Variants in ZNF207 observed in about 807,000 individuals in gnomAD.
ZNF207 encodes the protein BUB3-interacting and GLEBS motif-containing protein ZNF207.
ZNF207 carries 24 observed loss-of-function variants against 60.2 expected under a neutral mutation model. That is an observed-to-expected ratio of 0.40 (90% CI 0.29 to 0.56). The LOEUF (loss-of-function observed/expected upper bound fraction) is 0.56, where lower values mean the gene tolerates loss of function less well. ZNF207 is among the 20% of genes least tolerant of loss of function. The pLI is 0.49. For missense variants in ZNF207, 452 were observed against 636.6 expected (o/e 0.71, Z 3.12); for synonymous variants, 236 against 194.7 (o/e 1.21, Z -1.77).
intron 8 of ZNF207, 59 bp downstream of exon 8, chr17:32,365,546 T>C: frequency 1.0e-5 from 15 of 1,459,628 alleles, no homozygotes; most frequent in Non-Finnish European, 1.3e-5. Context: ...TACAGTTGTT[T>C]ACAGAAGTCT....
At chr17:32,367,253 A>ATG (rs1567824756) in intron 9 of ZNF207, among the ~76,000 whole-genome samples, 1 of 91,478 alleles carries the variant, frequency 1.1e-5, no homozygotes, top group African/African-American at 4.6e-5. Flanking sequence ...ATATATATAT[A>ATG]TATATATATA....
At chr17:32,350,721 G>A (rs752114089) in intron 1 of ZNF207, among the ~76,000 whole-genome samples, 3 of 152,100 alleles carry the variant, frequency 2.0e-5, no homozygotes, top group Non-Finnish European at 2.9e-5. Flanking sequence ...GTTGGGGACA[G>A]CTTCACAGTC....
intron 2 of ZNF207, among the ~76,000 whole-genome samples, chr17:32,354,953 G>A (rs1169109666): frequency 6.6e-6 from 1 of 152,192 alleles, no homozygotes; most frequent in South Asian, 2.1e-4. Context: ...CTGCAGGGTT[G>A]AAAGTAAAGT....
rs1340197959 is a variant in ZNF207, at chr17:32,379,778, T to C, written c.*10019T>C. On this transcript the variant is annotated 3_prime_UTR_variant, in exon 12 of 12. Transcript: ENST00000394670. The stretch of plus-strand genomic sequence containing the variant: ...CTGCATGAAAAATTGGAGTTAGAAA[T>C]ACTGATTTCTGAGACCACGTATACC... The C allele has an allele frequency of 6.6e-6, 1 of 152,216 alleles. No homozygotes were observed. The highest frequency in any genetic ancestry group is 2.4e-5 in the African/African-American group (1 of 41,464). The allele number at this position is 152,216 out of a possible 1,614,324, so 9.4% of individuals were successfully genotyped here.
At chr17:32,367,331 CTG>C (rs1403666651) in intron 9 of ZNF207, among the ~76,000 whole-genome samples, 2 of 137,340 alleles carry the variant, frequency 1.5e-5, no homozygotes, top group Non-Finnish European at 3.1e-5. Flanking sequence ...ACCATTTACA[CTG>C]TTCATGTTAT....
rs1905881907 is a variant in ZNF207, at chr17:32,381,371, T to G, written c.*11612T>G. 1 of 152,256 alleles carries G rather than the reference T, an allele frequency of 6.6e-6. No individual in the cohort carries two copies. Among genetic ancestry groups the G allele is most frequent in the Non-Finnish European group, 1.5e-5 (1 of 68,036 alleles). 9.4% of individuals were successfully genotyped at this position (152,256 alleles called of 1,614,324 possible). A position where few individuals can be genotyped will look rare whatever the true frequency, so the allele number is the denominator to read the frequency against. ...ATGACTGATCGCATAATTTTTAATGTAAGTAAATGAGCTCACTAAGGGTAA... is the reference window on the plus strand; with the variant it reads ...ATGACTGATCGCATAATTTTTAATGGAAGTAAATGAGCTCACTAAGGGTAA... On this transcript the variant is annotated 3_prime_UTR_variant, in exon 12 of 12. Coordinates refer to ENST00000394670, the MANE Select transcript of ZNF207 (RefSeq NM_001098507.2).
Position 32,369,387 on chromosome 17 carries a change from A to T in ZNF207, c.1257A>T (p.Gly419=). The stretch of plus-strand genomic sequence containing the variant: ...GTAATCCACCAGTTGGACCAATTGG[A>T]GGTATGATGCCACCACAGCCAGGCA... ...PIGNPPVGPI[G]GMMPPQPGIP... is the part of the protein sequence containing the mutation. Residue 419 remains glycine, a synonymous_variant, in exon 11 of 12, where the codon GGA becomes GGT. Transcript: ENST00000394670. The T allele has an allele frequency of 6.2e-7, 1 of 1,614,146 alleles. No homozygotes were observed. Among genetic ancestry groups the T allele is most frequent in the South Asian group, 1.1e-5 (1 of 91,084 alleles).
In ZNF207 at chr17:32,366,136, C is replaced by G. The variant is rs1199338119; in HGVS notation, c.829-529C>G. 3.3e-5 allele frequency among the ~76,000 whole-genome samples: 5 copies of G among 152,040 alleles called. No individual in the cohort carries two copies. The East Asian group carries it at 9.6e-4, about 29-fold the overall frequency. On this transcript the variant is annotated intron_variant, in intron 8 of 11. Coordinates refer to ENST00000394670, the MANE Select transcript of ZNF207 (RefSeq NM_001098507.2). Reference sequence around the variant, plus strand: ...GATTTAATTTATTCAGAATTTAGATCGGGATGTATGTTTATTCATTTTCTT... The same window carrying G: ...GATTTAATTTATTCAGAATTTAGATGGGGATGTATGTTTATTCATTTTCTT...
At chr17:32,351,947 G>T (rs369259049) in intron 2 of ZNF207, 35 bp downstream of exon 2, 19 of 1,486,800 alleles carry the variant, frequency 1.3e-5, no homozygotes, top group Non-Finnish European at 1.7e-5. Context: ...TTGTCCGCTT[G>T]TGATTTGGAA....
chr17:32,364,413 A>T (rs1285789266), intron 7 of ZNF207, among the ~76,000 whole-genome samples: 1 of 147,338 alleles, frequency 6.8e-6, no homozygotes. Context: ...GCTGGAGAGC[A>T]GTGGTGTGAT....
At chr17:32,357,968 A>G (rs1232310011) in intron 2 of ZNF207, among the ~76,000 whole-genome samples, 2 of 152,000 alleles carry the variant, frequency 1.3e-5, no homozygotes, top group South Asian at 2.1e-4. Flanking sequence ...TTTAGTCGGG[A>G]CAGGGTTTTG....
intron 7 of ZNF207, among the ~76,000 whole-genome samples, chr17:32,364,460 C>T (rs935387051): frequency 4.7e-5 from 7 of 150,260 alleles, no homozygotes; most frequent in Non-Finnish European, 7.4e-5. Context: ...TGGGTTCAAG[C>T]GATTTTCTCC....
chr17:32,358,397 A>C (rs983228664), intron 2 of ZNF207, 106 bp from the exon 3 acceptor site: 4 of 1,108,190 alleles, frequency 3.6e-6, no homozygotes, highest in Non-Finnish European at 4.9e-6. Context: ...AATTGGCTCT[A>C]CATGGCCTCA....
rs892037901 is a variant in ZNF207, at chr17:32,361,114, C to T, written c.551+147C>T. The T allele has an allele frequency of 4.7e-6, 4 of 845,120 alleles. No homozygotes were observed. In the South Asian group the frequency reaches 5.6e-5, roughly 12 times the overall value. The allele number at this position is 845,120 out of a possible 1,614,324, so 52.4% of individuals were successfully genotyped here. A position where few individuals can be genotyped will look rare whatever the true frequency, so the allele number is the denominator to read the frequency against. On this transcript the variant is annotated intron_variant, in intron 5 of 11. Coordinates refer to ENST00000394670, the MANE Select transcript of ZNF207 (RefSeq NM_001098507.2). Reference sequence around the variant, plus strand: ...ATATCTTGTCTAATAAAGGGATCAACCAGTAAATTTAAGGAATATAAATTT... The same window carrying T: ...ATATCTTGTCTAATAAAGGGATCAATCAGTAAATTTAAGGAATATAAATTT...
At chr17:32,369,099 T>C in intron 10 of ZNF207, 196 bp from the exon 11 acceptor site, 1 of 533,486 alleles carries the variant, frequency 1.9e-6, no homozygotes, top group Admixed American at 3.4e-5. Context: ...TGCTTCAAGT[T>C]TACAAATAGG....
chr17:32,351,481 T>G, intron 1 of ZNF207: 3 of 1,459,154 alleles, frequency 2.1e-6, no homozygotes, highest in Non-Finnish European at 2.7e-6. Context: ...TTTGTAAATG[T>G]TGAAATATTT....
chr17:32,379,653 G>C lies in ZNF207; in HGVS notation c.*9894G>C, dbSNP rs1905807135. On this transcript the variant is annotated 3_prime_UTR_variant, in exon 12 of 12. Coordinates refer to ENST00000394670, the MANE Select transcript of ZNF207 (RefSeq NM_001098507.2). ...TGAGCAGTAAGCTGGAGTTAGAGTGGAAGAAGGGTTTACCAAAATTCTTCC... is the reference window on the plus strand; with the variant it reads ...TGAGCAGTAAGCTGGAGTTAGAGTGCAAGAAGGGTTTACCAAAATTCTTCC... 6.6e-6 allele frequency: 1 copy of C among 152,048 alleles called. No homozygotes were observed. Among genetic ancestry groups the C allele is most frequent in the Non-Finnish European group, 1.5e-5 (1 of 67,968 alleles). 9.4% of individuals were successfully genotyped at this position (152,048 alleles called of 1,614,324 possible).
chr17:32,350,387 CTAGGAGGCCTGGATT>C, intron 1 of ZNF207, 61 bp downstream of exon 1: 1 of 1,605,438 alleles, frequency 6.2e-7, no homozygotes, highest in Non-Finnish European at 8.5e-7. Context: ...GGGCCTGGGA[CTAGGAGGCCTGGATT>C]TGGCTTACGG....
rs1297748931 is a variant in ZNF207 at position 32,378,459 on chromosome 17, G to C, written c.*8700G>C. Reference sequence around the variant, plus strand: ...GAATATGTTTTTATAATGCTTTTTTGTTCTTTTAGCAACACTTGTAAATAC... The same window carrying C: ...GAATATGTTTTTATAATGCTTTTTTCTTCTTTTAGCAACACTTGTAAATAC... On this transcript the variant is annotated 3_prime_UTR_variant, in exon 12 of 12. Coordinates refer to ENST00000394670, the MANE Select transcript of ZNF207 (RefSeq NM_001098507.2). The C allele has an allele frequency of 6.6e-6, 1 of 151,870 alleles. No individual in the cohort carries two copies. Among genetic ancestry groups the C allele is most frequent in the African/African-American group, 2.4e-5 (1 of 41,392 alleles). 9.4% of individuals were successfully genotyped at this position (151,870 alleles called of 1,614,324 possible). A position where few individuals can be genotyped will look rare whatever the true frequency, so the allele number is the denominator to read the frequency against.
Sources: allele counts gnomAD v4.1 joint callset (sites outside exome capture counted in the v4.1 genomes callset), GRCh38; gene constraint gnomAD v4.1.1; transcripts MANE v1.5; gene names NCBI Gene and HGNC (gene_info 2026-07-23, HGNC 2026-07-21).